The following AP3B1 variants were observed in gnomAD, a reference collection of about 807,000 sequenced individuals.
AP3B1 encodes AP-3 complex subunit beta-1.
A neutral mutation model predicts 132.5 loss-of-function variants in AP3B1; 61 were observed. The ratio of observed to expected loss-of-function variants is 0.46; its 90% CI spans 0.37 to 0.57. The LOEUF is 0.57. Ranked by LOEUF, AP3B1 falls within the 20% of genes least tolerant of loss-of-function variation. The pLI is 0.00. For missense variants in AP3B1, 1,120 were observed against 1,289.4 expected (o/e 0.87, Z 2.01); for synonymous variants, 388 against 438.3 (o/e 0.89, Z 1.43).
intron 24 of AP3B1, among the ~76,000 whole-genome samples, chr5:78,022,638 G>A (rs1306055237): frequency 2.0e-5 from 3 of 152,146 alleles, no homozygotes; most frequent in Non-Finnish European, 2.9e-5. Context: ...AGGTGTTTCA[G>A]TGTTTCTTGA....
intron 2 of AP3B1, among the ~76,000 whole-genome samples, chr5:78,263,924 C>T (rs535970190): frequency 6.6e-6 from 1 of 152,048 alleles, no homozygotes; most frequent in Non-Finnish European, 1.5e-5. Context: ...TGTTTAGATA[C>T]GTTTAGATAC....
rs537599524 is a variant in AP3B1, at chr5:78,259,392, G to A, written c.204+8128C>T. 5.9e-5 allele frequency among the ~76,000 whole-genome samples: 9 copies of A among 152,280 alleles called. No individual in the cohort carries two copies. The South Asian group carries it at 8.3e-4, about 14-fold the overall frequency. On this transcript the variant is annotated intron_variant, in intron 2 of 26. Transcript: ENST00000255194. Reference sequence around the variant, plus strand: ...CTGAGAAGGGAAGTGGGGGATACAGGGGAGGTGGAGTGGTTAATGGGTACA... The same window carrying A: ...CTGAGAAGGGAAGTGGGGGATACAGAGGAGGTGGAGTGGTTAATGGGTACA...
intron 7 of AP3B1, among the ~76,000 whole-genome samples, chr5:78,198,603 A>AATTCT (rs1745164788): frequency 6.6e-6 from 1 of 152,202 alleles, no homozygotes; most frequent in Admixed American, 6.6e-5. Flanking sequence ...ATTGCCTTTA[A>AATTCT]GAATACCAAC....
intron 20 of AP3B1, among the ~76,000 whole-genome samples, chr5:78,109,744 T>C (rs1751491826): frequency 6.6e-6 from 1 of 152,064 alleles, no homozygotes; most frequent in Non-Finnish European, 1.5e-5. Flanking sequence ...ATTATTATTT[T>C]ATTATATAAG....
intron 22 of AP3B1, among the ~76,000 whole-genome samples, chr5:78,081,704 C>G (rs932529441): frequency 2.6e-5 from 4 of 152,138 alleles, no homozygotes; most frequent in African/African-American, 9.7e-5. Flanking sequence ...ATAGCATGTA[C>G]CACTCACTGC....
At chr5:78,241,287 C>A (rs1747125809) in intron 2 of AP3B1, among the ~76,000 whole-genome samples, 1 of 151,946 alleles carries the variant, frequency 6.6e-6, no homozygotes, top group Admixed American at 6.6e-5. Flanking sequence ...CAGCTTCGAC[C>A]TCCCAGGTTT....
At chr5:78,098,143 C>T (rs1315943425) in intron 21 of AP3B1, among the ~76,000 whole-genome samples, 1 of 150,936 alleles carries the variant, frequency 6.6e-6, no homozygotes, top group African/African-American at 2.4e-5. Context: ...ACAAACACTG[C>T]GGAAGGCCGC....
chr5:78,087,991 T>C (rs376584256), intron 22 of AP3B1, among the ~76,000 whole-genome samples: 1 of 152,204 alleles, frequency 6.6e-6, no homozygotes, highest in African/African-American at 2.4e-5. Flanking sequence ...AAAGTACCAA[T>C]TTGCCCACAG....
At chr5:78,262,141 T>C (rs1580561130) in intron 2 of AP3B1, among the ~76,000 whole-genome samples, 1 of 152,258 alleles carries the variant, frequency 6.6e-6, no homozygotes, top group African/African-American at 2.4e-5. Context: ...TTATCAGATA[T>C]ATGATTTGCA....
rs754328726 is a variant in AP3B1 at position 78,267,524 on chromosome 5, A to G, written c.200T>C (p.Val67Ala). The G allele has an allele frequency of 6.2e-7, 1 of 1,609,054 alleles. No homozygotes were observed. ...GTAAATGAGTATTTTACCTACCCCAACAATCCGCTTCATAGCATCCAGTTT... is the reference window on the plus strand; with the variant it reads ...GTAAATGAGTATTTTACCTACCCCAGCAATCCGCTTCATAGCATCCAGTTT... ...SAKLDAMKRIVGMIAKGKNAS... is the reference protein window; with the variant it reads ...SAKLDAMKRIAGMIAKGKNAS... Residue 67 changes from valine (V) to alanine (A), a missense_variant, in exon 2 of 27, where the codon GTT becomes GCT. Val to Ala is a moderately conservative substitution (Grantham distance 64). Around this residue, in one of 3 missense-constraint regions of AP3B1, gnomAD observed 129 missense variants for 212.4 expected, o/e 0.61. Transcript: ENST00000255194.
chr5:78,095,282 C>T (rs776874309), intron 21 of AP3B1, among the ~76,000 whole-genome samples: 1 of 152,194 alleles, frequency 6.6e-6, no homozygotes, highest in African/African-American at 2.4e-5. Flanking sequence ...TCCTGGTATG[C>T]ACTGTGTACC....
At chr5:78,149,925 A>C (rs1753573497) in intron 14 of AP3B1, among the ~76,000 whole-genome samples, 1 of 148,576 alleles carries the variant, frequency 6.7e-6, no homozygotes. Flanking sequence ...CCTGTAAGCC[A>C]TACTTTTTTT....
At chr5:78,275,624 C>T (rs773146332) in intron 1 of AP3B1, among the ~76,000 whole-genome samples, 5 of 151,924 alleles carry the variant, frequency 3.3e-5, no homozygotes, top group Admixed American at 2.0e-4. Context: ...TATAGGCACG[C>T]GCCACCACAC....
At position 78,061,956 on chromosome 5, in the gene AP3B1, C is replaced by T. The variant is rs574401952; in HGVS notation, c.2578-22682G>A. On this transcript the variant is annotated intron_variant, in intron 22 of 26. Coordinates refer to ENST00000255194, the MANE Select transcript of AP3B1 (RefSeq NM_003664.5). ...ATGAAACCAGCAGTCACCTTCACTG[C>T]TAGCTACTGCACCTGTATCCTTTTT... Among the ~76,000 whole-genome samples the T allele has an allele frequency of 3.9e-5, 6 of 152,334 alleles. No individual in the cohort carries two copies. The South Asian group carries it at 1.2e-3, about 32-fold the overall frequency.
At chr5:78,180,288 T>A (rs1278266954) in intron 8 of AP3B1, among the ~76,000 whole-genome samples, 1 of 152,072 alleles carries the variant, frequency 6.6e-6, no homozygotes, top group African/African-American at 2.4e-5. Flanking sequence ...TCATTAAGAA[T>A]TGTTCTGAAC....
chr5:78,292,360 T>G (rs2112603092), intron 1 of AP3B1, among the ~76,000 whole-genome samples: 1 of 152,330 alleles, frequency 6.6e-6, no homozygotes, highest in Non-Finnish European at 1.5e-5. Flanking sequence ...TGGAAGCTTC[T>G]CTGGTGGTAC....
chr5:78,136,047 C>G (rs1223576427), intron 15 of AP3B1, among the ~76,000 whole-genome samples: 1 of 152,012 alleles, frequency 6.6e-6, no homozygotes, highest in Non-Finnish European at 1.5e-5. Context: ...GAGATTTCAG[C>G]ATCCTACTTA....
chr5:78,267,590 T>C lies in AP3B1; in HGVS notation c.134A>G (p.Glu45Gly). 1 of 1,597,298 alleles carries C rather than the reference T, an allele frequency of 6.3e-7. No homozygotes were observed. The highest frequency in any genetic ancestry group is 8.6e-7 in the Non-Finnish European group (1 of 1,166,044). Reference protein sequence around the residue: ...GLFSSDLKKNEDLKQMLESNK... With the variant: ...GLFSSDLKKNGDLKQMLESNK... ...GCTCTCTAACATTTGCTTTAGATCTTCATTCCTATTACAAAAGAGAAGAAA... is the reference window on the plus strand; with the variant it reads ...GCTCTCTAACATTTGCTTTAGATCTCCATTCCTATTACAAAAGAGAAGAAA... The change falls in exon 2 of 27, where the codon GAA becomes GGA. Residue 45 changes from glutamate to glycine, a missense_variant. Coordinates refer to ENST00000255194, the MANE Select transcript of AP3B1 (RefSeq NM_003664.5).
intron 22 of AP3B1, among the ~76,000 whole-genome samples, chr5:78,073,599 A>G (rs1749636547): frequency 6.6e-6 from 1 of 152,180 alleles, no homozygotes; most frequent in Admixed American, 6.5e-5. Flanking sequence ...AGAATTTCAG[A>G]AACTCATTTA....
Sources: allele counts gnomAD v4.1 joint callset (sites outside exome capture counted in the v4.1 genomes callset), GRCh38; gene constraint gnomAD v4.1.1; regional missense constraint gnomAD v4.1.1; transcripts MANE v1.5; gene names NCBI Gene and HGNC (gene_info 2026-07-23, HGNC 2026-07-21).